The following SAE1 variants were observed in gnomAD, a reference collection of about 807,000 sequenced individuals.
SAE1 encodes the protein SUMO-activating enzyme subunit 1.
SAE1 carries 11 observed loss-of-function variants against 40.6 expected under a neutral mutation model. That is an observed-to-expected ratio of 0.27 (90% CI 0.17 to 0.45). The LOEUF (loss-of-function observed/expected upper bound fraction) is 0.45. SAE1 is among the 20% of genes least tolerant of loss of function. The pLI is 1.00. For synonymous variants in SAE1, 155 were observed against 154.3 expected (o/e 1.00, Z -0.03); for missense variants, 373 against 427.3 (o/e 0.87, Z 1.12).
chr19:47,175,987 A>T (rs545915695), intron 6 of SAE1, among the ~76,000 whole-genome samples: 20 of 152,336 alleles, frequency 1.3e-4, no homozygotes, highest in African/African-American at 4.8e-4. Flanking sequence ...AGGCAGAAAA[A>T]GTTTTCTTTG....
chr19:47,193,984 A>C (rs1846924623), intron 6 of SAE1, among the ~76,000 whole-genome samples: 1 of 151,634 alleles, frequency 6.6e-6, no homozygotes, highest in Non-Finnish European at 1.5e-5. Context: ...GCCCAGAAGC[A>C]GGGTGTGTCT....
chr19:47,132,355 A>G (rs780154651), intron 1 of SAE1, among the ~76,000 whole-genome samples: 33 of 147,630 alleles, frequency 2.2e-4, no homozygotes, highest in Non-Finnish European at 3.9e-4. Flanking sequence ...CTCAAGGGAT[A>G]TTCCCTCTTC....
chr19:47,169,186 C>T (rs983524215), intron 5 of SAE1, among the ~76,000 whole-genome samples: 1 of 152,132 alleles, frequency 6.6e-6, no homozygotes, highest in Non-Finnish European at 1.5e-5. Flanking sequence ...GTTAGACTTA[C>T]ATTCTTGCCC....
intron 5 of SAE1, among the ~76,000 whole-genome samples, chr19:47,164,329 C>T (rs1020793125): frequency 6.6e-6 from 1 of 151,980 alleles, no homozygotes; most frequent in Non-Finnish European, 1.5e-5. Context: ...CCACCACACC[C>T]GGCTAATTTT....
chr19:47,183,961 A>G lies in SAE1; in HGVS notation c.734-13272A>G, dbSNP rs181795134. ...GAGGGTGTGGTTGGCAAAGCAATGC[A>G]TTAGGGGCCCATGGAAGTTTATTCT... On this transcript the variant is annotated intron_variant, in intron 6 of 8. Transcript: ENST00000270225. 2.0e-5 allele frequency among the ~76,000 whole-genome samples: 3 copies of G among 152,300 alleles called. No homozygotes were observed. The East Asian group carries it at 5.8e-4, about 29-fold the overall frequency.
At chr19:47,169,511 TTG>T (rs1249626183) in intron 5 of SAE1, among the ~76,000 whole-genome samples, 1 of 152,126 alleles carries the variant, frequency 6.6e-6, no homozygotes, top group Non-Finnish European at 1.5e-5. Context: ...CTCCAAAGTG[TTG>T]GGATTACAGG....
intron 7 of SAE1, 49 bp from the exon 8 acceptor site, chr19:47,203,622 C>G: frequency 6.5e-7 from 1 of 1,546,864 alleles, no homozygotes; most frequent in South Asian, 1.1e-5. Flanking sequence ...ATGTCATGGT[C>G]ACAGTTCTGT....
intron 3 of SAE1, among the ~76,000 whole-genome samples, chr19:47,150,897 A>G (rs1458103026): frequency 6.6e-6 from 1 of 152,164 alleles, no homozygotes; most frequent in African/African-American, 2.4e-5. Context: ...CTAGAGAAAA[A>G]TCACTGTAGT....
At position 47,143,597 on chromosome 19, in the gene SAE1, C is replaced by G; in HGVS notation, c.202C>G (p.His68Asp). 1 of 1,612,116 alleles carries G rather than the reference C, an allele frequency of 6.2e-7. No homozygotes were observed. The highest frequency in any genetic ancestry group is 2.2e-5 in the East Asian group (1 of 44,860). The change falls in exon 2 of 9, where the codon CAC becomes GAC. Residue 68 changes from histidine to aspartate, a missense_variant. His to Asp is a moderately conservative substitution (Grantham distance 81, BLOSUM62 -1). Transcript: ENST00000270225. Reference protein sequence around the residue: ...AGVKGLTMLDHEQVTPEDPGA... With the variant: ...AGVKGLTMLDDEQVTPEDPGA... ...AGTGAAAGGACTGACCATGCTGGAT[C>G]ACGAACAGGTGCGCTGTTGTGAGCT...
chr19:47,175,010 T>C (rs2123264680), intron 6 of SAE1, among the ~76,000 whole-genome samples: 1 of 151,750 alleles, frequency 6.6e-6, no homozygotes, highest in East Asian at 1.9e-4. Context: ...TGCCCGGCAG[T>C]GAGAACATTT....
chr19:47,175,953 G>A (rs1468460993), intron 6 of SAE1, among the ~76,000 whole-genome samples: 1 of 152,148 alleles, frequency 6.6e-6, no homozygotes, highest in Non-Finnish European at 1.5e-5. Context: ...AAGCATCATA[G>A]TAAAAAGTCT....
rs185515530 is a variant in SAE1, at chr19:47,137,140, G to A, written c.98+6112G>A. Among the ~76,000 whole-genome samples the A allele has an allele frequency of 1.7e-3, 259 of 152,204 alleles. 1 individual carries two copies. Among genetic ancestry groups the A allele is most frequent in the African/African-American group, 5.9e-3 (247 of 41,542 alleles). On this transcript the variant is annotated intron_variant, in intron 1 of 8. Transcript: ENST00000270225. ...CACAGTGACTCAGCCTGTAATCCCA[G>A]GACTTTGAGAGGCCGAGGTGGGTGG...
chr19:47,188,005 G>A (rs1364180842), intron 6 of SAE1, among the ~76,000 whole-genome samples: 3 of 152,110 alleles, frequency 2.0e-5, no homozygotes, highest in Non-Finnish European at 4.4e-5. Context: ...AAATCTAATG[G>A]AGGAGACAAG....
chr19:47,157,900 C>T (rs1437264590), intron 5 of SAE1, among the ~76,000 whole-genome samples: 2 of 152,150 alleles, frequency 1.3e-5, no homozygotes, highest in Non-Finnish European at 2.9e-5. Flanking sequence ...CCCTGCGGAC[C>T]GACTGGGCTG....
At chr19:47,208,917 G>T (rs2058699135) in intron 8 of SAE1, among the ~76,000 whole-genome samples, 1 of 152,176 alleles carries the variant, frequency 6.6e-6, no homozygotes, top group Admixed American at 6.6e-5. Context: ...TTAATCTCAT[G>T]TTAGGAAAAT....
In SAE1 at chr19:47,158,193, C is replaced by T. The variant is rs887396754; in HGVS notation, c.627+2980C>T. ...TAGGTTTAACCAAAGGTTGTAAAGC[C>T]ACTTTTGCTTCAAGGTACACTTTGT... On this transcript the variant is annotated intron_variant, in intron 5 of 8. Coordinates refer to ENST00000270225, the MANE Select transcript of SAE1 (RefSeq NM_005500.3). 4.6e-5 allele frequency among the ~76,000 whole-genome samples: 7 copies of T among 152,204 alleles called. No homozygotes were observed. The East Asian group carries it at 1.4e-3, about 29-fold the overall frequency.
At chr19:47,193,604 CTGAGGTCAGGAACT>C (rs1448222576) in intron 6 of SAE1, among the ~76,000 whole-genome samples, 10 of 150,864 alleles carry the variant, frequency 6.6e-5, no homozygotes, top group Non-Finnish European at 1.3e-4. Flanking sequence ...GGAGGATCAC[CTGAGGTCAGGAACT>C]TGAGACCAGG....
At chr19:47,193,785 G>A (rs531166284) in intron 6 of SAE1, among the ~76,000 whole-genome samples, 5 of 147,836 alleles carry the variant, frequency 3.4e-5, no homozygotes, top group Admixed American at 6.8e-5. Flanking sequence ...CCGAGATCAC[G>A]CCATTGCACT....
At chr19:47,163,870 A>G (rs1364127257) in intron 5 of SAE1, among the ~76,000 whole-genome samples, 7 of 151,450 alleles carry the variant, frequency 4.6e-5, no homozygotes, top group Admixed American at 6.6e-5. Context: ...CCCAGGTTCA[A>G]GTGATCCTCT....
Sources: gnomAD v4.1 joint callset for allele counts (sites outside exome capture counted in the v4.1 genomes callset) on GRCh38, gnomAD v4.1.1 for gene constraint, MANE v1.5 for transcripts, NCBI Gene and HGNC (gene_info 2026-07-23, HGNC 2026-07-21) for gene names.